The following INSL6 variants were observed in gnomAD, a reference collection of about 807,000 sequenced individuals.
INSL6 encodes the protein insulin-like peptide INSL6.
Under a neutral mutation model 9.4 loss-of-function variants are expected in INSL6, and 16 were observed. The observed-to-expected ratio is 1.70, with a 90% CI of 1.15 to 2.59. The LOEUF (loss-of-function observed/expected upper bound fraction) is 2.59, where lower values mean the gene tolerates loss of function less well. Among genes scored for constraint, INSL6 ranks in the 30% most tolerant of loss-of-function variants. The pLI, the probability that INSL6 is intolerant of heterozygous loss-of-function variation, is 0.00. For missense variants in INSL6, 391 were observed against 257.3 expected (o/e 1.52, Z -3.56); for synonymous variants, 154 against 96.9 (o/e 1.59, Z -3.46).
chr9:5,125,446 T>TAC (rs1412411807), intron 3 of INSL6, among the ~76,000 whole-genome samples: 2 of 151,450 alleles, frequency 1.3e-5, no homozygotes, highest in Non-Finnish European at 3.0e-5. Context: ...TTCTTCAGTC[T>TAC]TTTAAGTAAC....
the INSL6 span, among the ~76,000 whole-genome samples, chr9:5,024,544 G>A: frequency 1.2e-4 from 18 of 152,020 alleles, no homozygotes; most frequent in Non-Finnish European, 2.5e-4. Context: ...TCTAAGTTCT[G>A]TTCCTTGGGC....
At chr9:5,159,215 G>C (rs1824873646), downstream of INSL6, among the ~76,000 whole-genome samples, 1 of 151,940 alleles carries the variant, frequency 6.6e-6, no homozygotes, top group Admixed American at 6.6e-5. Flanking sequence ...AAGGAAGACA[G>C]GAAGAAAGAA....
chr9:5,106,584 T>C, the INSL6 span, among the ~76,000 whole-genome samples: 1 of 152,188 alleles, frequency 6.6e-6, no homozygotes, highest in Non-Finnish European at 1.5e-5. Context: ...CATGCTGCTA[T>C]AAAGACACAT....
chr9:5,175,879 T>C (rs113090224), intron 1 of INSL6, among the ~76,000 whole-genome samples: 11,863 of 152,156 alleles, frequency 0.078, 1,550 homozygotes, highest in African/African-American at 0.27. Context: ...TGGTAAATTG[T>C]ATAATTATTT....
chr9:5,000,959 A>G, the INSL6 span, among the ~76,000 whole-genome samples: 2 of 152,202 alleles, frequency 1.3e-5, no homozygotes, highest in African/African-American at 4.8e-5. Flanking sequence ...AGGGTCAGCA[A>G]ATTCCCAAGA....
intron 2 of INSL6, among the ~76,000 whole-genome samples, chr9:5,135,602 C>A (rs1824374752): frequency 6.6e-6 from 1 of 152,120 alleles, no homozygotes; most frequent in Non-Finnish European, 1.5e-5. Context: ...GTACCAGAAT[C>A]TCTAGGACAC....
At chr9:5,031,944 G>A in the INSL6 span, among the ~76,000 whole-genome samples, 79 of 152,366 alleles carry the variant, frequency 5.2e-4, no homozygotes, top group East Asian at 1.9e-4. Context: ...CTGAGCATGA[G>A]CCGAAGCAGG....
intron 2 of INSL6, among the ~76,000 whole-genome samples, chr9:5,134,591 C>A (rs1824355061): frequency 6.6e-6 from 1 of 152,134 alleles, no homozygotes; most frequent in Admixed American, 6.6e-5. Flanking sequence ...CTAAACTAAG[C>A]TTCGTAATTG....
At chr9:5,077,636 A>G in the INSL6 span, 1 of 1,129,132 alleles carries the variant, frequency 8.9e-7, no homozygotes. Context: ...AAAACAATAT[A>G]CAAATTATCT....
chr9:5,097,398 A>C, the INSL6 span: 1 of 152,114 alleles, frequency 6.6e-6, no homozygotes, highest in Non-Finnish European at 1.5e-5. Context: ...TCCTTATTCT[A>C]TCAGGCTTTG....
the INSL6 span, chr9:5,041,517 A>C: frequency 1.8e-6 from 1 of 555,824 alleles, no homozygotes; most frequent in South Asian, 1.5e-5. Flanking sequence ...ATAGCGCGCC[A>C]CGCCCATCGA....
At position 5,167,935 on chromosome 9, in the gene INSL6, G is replaced by A. The variant is rs571833929; in HGVS notation, c.290-3670C>T. Reference sequence around the variant, plus strand: ...ACCTCCTGGGGTGGAAGAAACCAAGGTGAATAAAGTCTGGAATGGACTCCC... The same window carrying A: ...ACCTCCTGGGGTGGAAGAAACCAAGATGAATAAAGTCTGGAATGGACTCCC... On this transcript the variant is annotated intron_variant, in intron 1 of 1. Coordinates refer to ENST00000381641, the MANE Select transcript of INSL6 (RefSeq NM_007179.3). Among the ~76,000 whole-genome samples the A allele has an allele frequency of 2.6e-5, 4 of 152,264 alleles. No individual in the cohort carries two copies. In the South Asian group the frequency reaches 8.3e-4, roughly 32 times the overall value.
downstream of INSL6, among the ~76,000 whole-genome samples, chr9:5,162,057 CAACA>C (rs1240493484): frequency 1.3e-5 from 2 of 150,856 alleles, no homozygotes; most frequent in African/African-American, 4.9e-5. Context: ...CTAGCCTAGG[CAACA>C]GACCCTGCCT....
chr9:5,104,809 A>G, the INSL6 span, among the ~76,000 whole-genome samples: 1 of 152,208 alleles, frequency 6.6e-6, no homozygotes, highest in Non-Finnish European at 1.5e-5. Context: ...GACAAAAACC[A>G]CATGATTATT....
chr9:5,097,556 C>T, the INSL6 span: 1 of 152,032 alleles, frequency 6.6e-6, no homozygotes, highest in African/African-American at 2.4e-5. Flanking sequence ...GACATAGACA[C>T]AGACACATGA....
chr9:5,148,560 C>T (rs539881724), intron 2 of INSL6, among the ~76,000 whole-genome samples: 3 of 152,254 alleles, frequency 2.0e-5, no homozygotes, highest in African/African-American at 7.2e-5. Flanking sequence ...GGGAAATAGG[C>T]CATACCCTTA....
the INSL6 span, among the ~76,000 whole-genome samples, chr9:5,061,124 T>C: frequency 6.6e-6 from 1 of 152,254 alleles, no homozygotes; most frequent in East Asian, 1.9e-4. Flanking sequence ...CATCCAAGCC[T>C]TGTTGTTCCA....
chr9:5,074,269 G>A, the INSL6 span, among the ~76,000 whole-genome samples: 1 of 151,984 alleles, frequency 6.6e-6, no homozygotes, highest in Non-Finnish European at 1.5e-5. Context: ...CGTACCCCAT[G>A]CTTTAATACT....
chr9:5,064,214 C>T, the INSL6 span, among the ~76,000 whole-genome samples: 1 of 151,894 alleles, frequency 6.6e-6, no homozygotes, highest in Non-Finnish European at 1.5e-5. Flanking sequence ...TAGTTTGTAG[C>T]ATGAATACTT....
Sources: gnomAD v4.1 joint callset for allele counts (sites outside exome capture counted in the v4.1 genomes callset) on GRCh38, gnomAD v4.1.1 for gene constraint, MANE v1.5 for transcripts, NCBI Gene and HGNC (gene_info 2026-07-23, HGNC 2026-07-21) for gene names.